The following ATF6B variants were observed in gnomAD, a reference collection of about 807,000 sequenced individuals.
ATF6B encodes the protein cyclic AMP-dependent transcription factor ATF-6 beta.
ATF6B carries 50 observed loss-of-function variants against 83.5 expected under a neutral mutation model. The ratio of observed to expected loss-of-function variants is 0.60; its 90% confidence interval spans 0.48 to 0.76. The LOEUF (loss-of-function observed/expected upper bound fraction) is 0.76, where lower values mean the gene tolerates loss of function less well. Among genes scored for constraint, ATF6B ranks in the 30% least tolerant of loss-of-function variants. The pLI, the probability that ATF6B is intolerant of heterozygous loss-of-function variation, is 0.00. For synonymous variants in ATF6B, 344 were observed against 362.8 expected, an observed-to-expected ratio of 0.95 and a Z score of 0.59; for missense variants, 790 against 893.8, an observed-to-expected ratio of 0.88 and a Z score of 1.48.
chr6:32,126,320 A>G (rs1177754641), intron 4 of ATF6B, 68 bp from the exon 5 acceptor site: 3 of 1,562,502 alleles, frequency 1.9e-6, no homozygotes, highest in East Asian at 4.6e-5. Flanking sequence ...TGTTGACAGT[A>G]AGAGCGAGAA....
chr6:32,117,853 C>T lies in ATF6B; in HGVS notation c.1424+6G>A. ...ACGAGAGGGGGCCCTCTCTCTCTCT[C>T]CTCACCTGAAACTGGGCTGGTCTGT... On this transcript the variant is annotated splice_donor_region_variant and intron_variant, in intron 12 of 17. Transcript: ENST00000375203. The surrounding 1 kb of genome is among the most constrained non-coding windows in gnomAD (Gnocchi z 5.0). 3.2e-6 allele frequency: 5 copies of T among 1,559,350 alleles called. No homozygotes were observed. The highest frequency in any genetic ancestry group is 4.3e-6 in the Non-Finnish European group (5 of 1,156,136).
rs777791024 is a variant in ATF6B, at chr6:32,119,674, T to C, written c.966+150A>G. ...ATATTCATATAGAAACAGGAGTCCA[T>C]TCTGACCCTCAGAATGATCTAATGG... is the stretch of plus-strand genomic sequence containing the variant. On this transcript the variant is annotated intron_variant, in intron 9 of 17. Coordinates refer to ENST00000375203, the MANE Select transcript of ATF6B (RefSeq NM_004381.5). This position sits in a 1 kb window ranked among gnomAD's most constrained non-coding sequence, Gnocchi z 4.9. 2.5e-6 allele frequency: 3 copies of C among 1,188,046 alleles called. No individual in the cohort carries two copies. Among genetic ancestry groups the C allele is most frequent in the South Asian group, 1.5e-5 (1 of 64,596 alleles). The allele number at this position is 1,188,046 out of a possible 1,614,324, so 73.6% of individuals were successfully genotyped here. A position where few individuals can be genotyped will look rare whatever the true frequency, so the allele number is the denominator to read the frequency against.
chr6:32,120,696 C>T (rs773005654), intron 8 of ATF6B, 75 bp downstream of exon 8: 1 of 1,533,310 alleles, frequency 6.5e-7, no homozygotes, highest in South Asian at 1.2e-5. Context: ...GGTGATTCGC[C>T]CGCCTCAGCC....
chr6:32,118,979 G>A lies in ATF6B; in HGVS notation c.1129C>T (p.Arg377Trp), dbSNP rs375715282. 7 of 1,613,908 alleles carry A rather than the reference G, an allele frequency of 4.3e-6. No homozygotes were observed. Among genetic ancestry groups the A allele is most frequent in the East Asian group, 4.5e-5 (2 of 44,886 alleles). ...LRRENAALRR[R>W]LEALLAENSE... ...ACTTCAGCCAGCAGGGCCTCCAGCC[G>A]CCGCCGGAGGGCAGCATTCTCTCGG... The change falls in exon 10 of 18, where the codon CGG becomes TGG. Residue 377 changes from arginine to tryptophan, a missense_variant. This residue lies in a region of ATF6B where 530 missense variants were observed against 632.6 expected (regional missense o/e 0.84). Transcript: ENST00000375203. The surrounding 1 kb of genome is among the most constrained non-coding windows in gnomAD (Gnocchi z 5.2).
In ATF6B at chr6:32,127,655, G is replaced by C; in HGVS notation, c.171+16C>G. 1.9e-6 allele frequency: 3 copies of C among 1,614,128 alleles called. No individual in the cohort carries two copies. The highest frequency in any genetic ancestry group is 2.5e-6 in the Non-Finnish European group (3 of 1,179,992). ...TCCACCCACCAAGGGTTAGAGAAAG[G>C]CTGGGGACACAATACCGGGACATCC... On this transcript the variant is annotated intron_variant, in intron 2 of 17. Transcript: ENST00000375203.
At position 32,121,337 on chromosome 6, in the gene ATF6B, T is replaced by C. The variant is rs747232089; in HGVS notation, c.490A>G (p.Lys164Glu). The C allele has an allele frequency of 6.2e-7, 1 of 1,613,982 alleles. No homozygotes were observed. The highest frequency in any genetic ancestry group is 8.5e-7 in the Non-Finnish European group (1 of 1,179,982). ...GAACATGGAGAGACAGGTTCTATCT[T>C]GGTCTGGACATCTGTGGGAGGCAGG... ...TSDDSSDVQT[K>E]IEPVSPCSSV... is the part of the protein sequence containing the mutation. The change falls in exon 6 of 18, where the codon AAG becomes GAG. Residue 164 changes from lysine (K) to glutamate (E), a missense_variant. Coordinates refer to ENST00000375203, the MANE Select transcript of ATF6B (RefSeq NM_004381.5).
At position 32,118,675 on chromosome 6, in the gene ATF6B, T is replaced by C. The variant is rs1156610566; in HGVS notation, c.1244+100A>G. 2.5e-6 allele frequency: 3 copies of C among 1,186,036 alleles called. No homozygotes were observed. Among genetic ancestry groups the C allele is most frequent in the Non-Finnish European group, 3.7e-6 (3 of 808,646 alleles). 73.5% of individuals were successfully genotyped at this position (1,186,036 alleles called of 1,614,324 possible). Reference sequence around the variant, plus strand: ...GTGCCAAGGACACCAGAACCATTTGTATATAAGCAGAAGGAAATGGCCTGG... The same window carrying C: ...GTGCCAAGGACACCAGAACCATTTGCATATAAGCAGAAGGAAATGGCCTGG... On this transcript the variant is annotated intron_variant, in intron 11 of 17. Transcript: ENST00000375203. This position sits in a 1 kb window ranked among gnomAD's most constrained non-coding sequence, Gnocchi z 5.2.
rs745611019 is a variant in ATF6B, at chr6:32,115,735, G to C, written c.*4C>G. 5 of 1,579,738 alleles carry C rather than the reference G, an allele frequency of 3.2e-6. No individual in the cohort carries two copies. The highest frequency in any genetic ancestry group is 4.3e-6 in the Non-Finnish European group (5 of 1,160,824). On this transcript the variant is annotated 3_prime_UTR_variant, in exon 18 of 18. Transcript: ENST00000375203. ...CCGTTCTAAGTCAGTGTGAATGGCA[G>C]AGGTCAGGGATGATTGAGGTAGAGG...
At chr6:32,127,857 G>A in intron 1 of ATF6B, 107 bp from the exon 2 acceptor site, 1 of 1,256,266 alleles carries the variant, frequency 8.0e-7, no homozygotes, top group Non-Finnish European at 1.1e-6. Context: ...CAGACCCACC[G>A]CCCGCCCACT....
At chr6:32,127,313 G>A (rs866293044) in intron 3 of ATF6B, 119 bp from the exon 4 acceptor site, 1 of 1,348,332 alleles carries the variant, frequency 7.4e-7, no homozygotes, top group East Asian at 2.4e-5. Flanking sequence ...AACAAAAATA[G>A]GGGATTGAAG....
intron 5 of ATF6B, among the ~76,000 whole-genome samples, chr6:32,124,829 C>T (rs1230178977): frequency 6.6e-6 from 1 of 151,998 alleles, no homozygotes; most frequent in African/African-American, 2.4e-5. Flanking sequence ...CTCTTATGAG[C>T]TTTCATGGTA....
chr6:32,127,790 C>T (rs752343023), intron 1 of ATF6B, 40 bp from the exon 2 acceptor site: 1 of 1,602,110 alleles, frequency 6.2e-7, no homozygotes, highest in African/African-American at 1.3e-5. Flanking sequence ...GTTCGGTGGC[C>T]CCAGCCTACA....
At position 32,116,724 on chromosome 6, in the gene ATF6B, A is replaced by G. The variant is rs1333495543; in HGVS notation, c.1777T>C (p.Tyr593His). 1 of 1,614,146 alleles carries G rather than the reference A, an allele frequency of 6.2e-7. No homozygotes were observed. Among genetic ancestry groups the G allele is most frequent in the Non-Finnish European group, 8.5e-7 (1 of 1,180,002 alleles). Residue 593 changes from tyrosine to histidine, a missense_variant, in exon 16 of 18, where the codon TAT (tyrosine) becomes CAT (histidine). By Grantham distance (83) the Tyr-to-His change is moderately conservative (BLOSUM62 2). Around this residue, in one of 3 missense-constraint regions of ATF6B, gnomAD observed 530 missense variants for 632.6 expected, o/e 0.84. Coordinates refer to ENST00000375203, the MANE Select transcript of ATF6B (RefSeq NM_004381.5). The surrounding 1 kb of genome is among the most constrained non-coding windows in gnomAD (Gnocchi z 5.1). Reference protein sequence around the residue: ...DAIDRREDTFYVVSFRRDHLL... With the variant: ...DAIDRREDTFHVVSFRRDHLL... ...CTCACCCTTCGGAAAGAGACAACAT[A>G]AAATGTGTCTTCCCGTCGGTCAATT...
rs753400150 is a variant in ATF6B at position 32,118,652 on chromosome 6, G to A, written c.1244+123C>T. 5.2e-6 allele frequency: 5 copies of A among 958,682 alleles called. No homozygotes were observed. The highest frequency in any genetic ancestry group is 8.0e-6 in the Non-Finnish European group (5 of 622,050). The allele number at this position is 958,682 out of a possible 1,614,324, so 59.4% of individuals were successfully genotyped here. A position where few individuals can be genotyped will look rare whatever the true frequency, so the allele number is the denominator to read the frequency against. ...GGGGCTGGCCAGACACATCATCGGT[G>A]CCAAGGACACCAGAACCATTTGTAT... On this transcript the variant is annotated intron_variant, in intron 11 of 17. Coordinates refer to ENST00000375203, the MANE Select transcript of ATF6B (RefSeq NM_004381.5). This position sits in a 1 kb window ranked among gnomAD's most constrained non-coding sequence, Gnocchi z 5.2.
Position 32,117,890 on chromosome 6 carries a change from G to T in ATF6B, c.1393C>A (p.Gln465Lys). ...QGSSQGPKEP[Q>K]PSPTDQPSFS... ...CTGGGCTGGTCTGTGGGGCTGGGCT[G>T]GGGCTCCTTAGGGCCCTGGGAGGAC... The change falls in exon 12 of 18, where the codon CAG becomes AAG. Residue 465 changes from glutamine (Q) to lysine (K), a missense_variant. By Grantham distance (53) the Gln-to-Lys change is moderately conservative. This residue lies in a region of ATF6B where 530 missense variants were observed against 632.6 expected (regional missense o/e 0.84). Transcript: ENST00000375203. The surrounding 1 kb of genome is among the most constrained non-coding windows in gnomAD (Gnocchi z 5.0). 6.3e-7 allele frequency: 1 copy of T among 1,577,194 alleles called. No homozygotes were observed. Among genetic ancestry groups the T allele is most frequent in the Non-Finnish European group, 8.6e-7 (1 of 1,164,746 alleles).
At chr6:32,127,995 C>G (rs1782059891) in intron 1 of ATF6B, 122 bp downstream of exon 1, 3 of 1,225,788 alleles carry the variant, frequency 2.4e-6, no homozygotes, top group Non-Finnish European at 3.5e-6. Context: ...GAGCCCCCTG[C>G]TCCGCTCTCC....
Position 32,120,665 on chromosome 6 carries a change from G to A in ATF6B, c.832+106C>T, listed in dbSNP as rs747941359. On this transcript the variant is annotated intron_variant, in intron 8 of 17. Coordinates refer to ENST00000375203, the MANE Select transcript of ATF6B (RefSeq NM_004381.5). Reference sequence around the variant, plus strand: ...AAGGTTTCACCACGTTGGCCAGGCTGGTCTTAAACTTCTGACCTCAGGTGA... The same window carrying A: ...AAGGTTTCACCACGTTGGCCAGGCTAGTCTTAAACTTCTGACCTCAGGTGA... 4.4e-6 allele frequency: 6 copies of A among 1,368,108 alleles called. No homozygotes were observed. The African/African-American group carries it at 7.4e-5, about 17-fold the overall frequency. 84.7% of individuals were successfully genotyped at this position (1,368,108 alleles called of 1,614,324 possible). A position where few individuals can be genotyped will look rare whatever the true frequency, so the allele number is the denominator to read the frequency against.
chr6:32,121,272 G>A lies in ATF6B; in HGVS notation c.555C>T (p.Ser185=), dbSNP rs1177016936. 4 of 1,614,064 alleles carry A rather than the reference G, an allele frequency of 2.5e-6. No homozygotes were observed. The highest frequency in any genetic ancestry group is 3.4e-6 in the Non-Finnish European group (4 of 1,180,004). The change falls in exon 6 of 18, where the codon TCC becomes TCT. Residue 185 remains serine, a synonymous_variant. Transcript: ENST00000375203. ...GGAAGGTGGTGCTCACCTGGCTGGA[G>A]GAGTCGGCTGAGAGCAGGGAGGCCT... is the stretch of plus-strand genomic sequence containing the variant. ...NSEASLLSAD[S]SSQAFIGEEV...
Position 32,118,940 on chromosome 6 carries a change from G to A in ATF6B, c.1152+16C>T. ...GCTGTATTCCTGTTGGTCTCCCAGG[G>A]ACAGACTGGTCTTACTTCAGCCAGC... On this transcript the variant is annotated intron_variant, in intron 10 of 17. Transcript: ENST00000375203. This position sits in a 1 kb window ranked among gnomAD's most constrained non-coding sequence, Gnocchi z 5.2. The A allele has an allele frequency of 6.2e-7, 1 of 1,614,070 alleles. No individual in the cohort carries two copies. The highest frequency in any genetic ancestry group is 8.5e-7 in the Non-Finnish European group (1 of 1,179,932).
Sources: allele counts gnomAD v4.1 joint callset (sites outside exome capture counted in the v4.1 genomes callset), GRCh38; gene constraint gnomAD v4.1.1; regional missense constraint gnomAD v4.1.1; non-coding constraint Gnocchi (gnomAD v3.1); transcripts MANE v1.5; gene names NCBI Gene and HGNC (gene_info 2026-07-23, HGNC 2026-07-21).